Variants in DYSF observed in about 807,000 individuals in gnomAD.
The protein encoded by DYSF is dystrophy-associated fer-1-like 1.
In DYSF, 212 loss-of-function variants were observed where a neutral mutation model predicts 274.9. The ratio of observed to expected loss-of-function variants is 0.77; its 90% confidence interval spans 0.69 to 0.86. DYSF has a LOEUF of 0.86. DYSF is among the 40% of genes least tolerant of loss of function. The pLI, the probability that DYSF is intolerant of heterozygous loss-of-function variation, is 0.00. For synonymous variants in DYSF, 1,091 were observed against 1,078.7 expected, an observed-to-expected ratio of 1.01 and a Z score of -0.22; for missense variants, 2,666 against 2,783.2, an observed-to-expected ratio of 0.96 and a Z score of 0.95.
rs752264721 is a variant in DYSF at position 71,679,251 on chromosome 2, C to T, written c.6063+16C>T. On this transcript the variant is annotated intron_variant, in intron 53 of 55. Coordinates refer to ENST00000410020, the MANE Select transcript of DYSF (RefSeq NM_001130987.2). ...AATACTGGCGGTAAGTCTACTTCCT[C>T]CAGCCCCAGTGGAGGGCATGGGGGA... 18 of 1,613,120 alleles carry T rather than the reference C, an allele frequency of 1.1e-5. No homozygotes were observed. In the South Asian group the frequency reaches 1.2e-4, roughly 11 times the overall value.
Position 71,611,513 on chromosome 2 carries a change from A to G in DYSF, c.4108A>G (p.Ile1370Val). Reference sequence around the variant, plus strand: ...CATGAAGAGTTACCAGCTGGCCAACATCTCCTCCCCCAGCCTCGTGGTAGA... The same window carrying G: ...CATGAAGAGTTACCAGCTGGCCAACGTCTCCTCCCCCAGCCTCGTGGTAGA... ...RNMKSYQLAN[I>V]SSPSLVVECG... Residue 1370 changes from isoleucine (I) to valine (V), a missense_variant, in exon 38 of 56, where the codon ATC becomes GTC. Physicochemically the swap from Ile to Val is conservative, Grantham distance 29. Coordinates refer to ENST00000410020, the MANE Select transcript of DYSF (RefSeq NM_001130987.2). The G allele has an allele frequency of 6.2e-7, 1 of 1,614,054 alleles. No individual in the cohort carries two copies. The highest frequency in any genetic ancestry group is 8.5e-7 in the Non-Finnish European group (1 of 1,180,002).
intron 3 of DYSF, among the ~76,000 whole-genome samples, chr2:71,495,138 T>G (rs77557348): frequency 0.052 from 7,903 of 152,248 alleles, 255 homozygotes; most frequent in African/African-American, 0.11. Flanking sequence ...TCTGAAGTAT[T>G]CATTATTTCC....
At chr2:71,668,630 A>G (rs2095060925) in intron 48 of DYSF, 124 bp from the exon 49 acceptor site, 1 of 895,330 alleles carries the variant, frequency 1.1e-6, no homozygotes. Flanking sequence ...TAGGGCAGTG[A>G]GGCTTTCTCT....
intron 10 of DYSF, among the ~76,000 whole-genome samples, chr2:71,517,833 A>G (rs1245499961): frequency 6.6e-6 from 1 of 152,080 alleles, no homozygotes; most frequent in Non-Finnish European, 1.5e-5. Flanking sequence ...ATATATTTAC[A>G]AGTTTTCTAA....
chr2:71,581,171 G>A (rs950451119), intron 30 of DYSF, among the ~76,000 whole-genome samples: 1 of 152,188 alleles, frequency 6.6e-6, no homozygotes, highest in Non-Finnish European at 1.5e-5. Context: ...TGCAACATCC[G>A]CATGTGGAGA....
chr2:71,681,053 G>A lies in DYSF; in HGVS notation c.6116G>A (p.Arg2039Gln), dbSNP rs115407852. 332 of 1,614,206 alleles carry A rather than the reference G, an allele frequency of 2.1e-4. 1 individual carries two copies. The Middle Eastern group carries it at 5.3e-3, about 26-fold the overall frequency. The change falls in exon 54 of 56, where the codon CGG becomes CAG. Residue 2039 changes from arginine to glutamine, a missense_variant. Transcript: ENST00000410020. ...EIVAESEHEE[R>Q]PAGQGRDEPN... ...GTAGCAGAGAGTGAGCATGAGGAGC[G>A]GCCTGCTGGCCAGGGCCGGGATGAG...
At chr2:71,592,286 T>G (rs940571627) in intron 32 of DYSF, among the ~76,000 whole-genome samples, 1 of 152,158 alleles carries the variant, frequency 6.6e-6, no homozygotes. Flanking sequence ...GGTAGGGCAG[T>G]GGCACTGGTC....
intron 31 of DYSF, 86 bp downstream of exon 31, chr2:71,589,772 G>A (rs2093197753): frequency 6.1e-6 from 8 of 1,310,462 alleles, no homozygotes; most frequent in Non-Finnish European, 8.8e-6. Flanking sequence ...GATCAGATGT[G>A]TATGTGGGGC....
chr2:71,680,960 G>A (rs756400719), intron 53 of DYSF, 41 bp from the exon 54 acceptor site: 4 of 1,584,584 alleles, frequency 2.5e-6, no homozygotes, highest in Middle Eastern at 1.7e-4. Flanking sequence ...CCACTGAGCA[G>A]AGCCTTCGTG....
intron 34 of DYSF, 71 bp from the exon 35 acceptor site, chr2:71,601,428 T>C: frequency 6.3e-7 from 1 of 1,585,112 alleles, no homozygotes; most frequent in Non-Finnish European, 8.7e-7. Context: ...ACATAGTCCA[T>C]GAGTGTCATG....
intron 14 of DYSF, among the ~76,000 whole-genome samples, chr2:71,529,048 A>C (rs2088331278): frequency 6.6e-6 from 1 of 150,854 alleles, no homozygotes; most frequent in African/African-American, 2.4e-5. Flanking sequence ...CCTCCCTTCA[A>C]CCCCAGGCCT....
chr2:71,493,602 A>G (rs1301447327), intron 3 of DYSF, among the ~76,000 whole-genome samples: 1 of 152,202 alleles, frequency 6.6e-6, no homozygotes, highest in Non-Finnish European at 1.5e-5. Context: ...CTGTAATACC[A>G]GCACTTTGGG....
intron 40 of DYSF, among the ~76,000 whole-genome samples, chr2:71,620,254 T>A (rs868852233): frequency 8.5e-5 from 13 of 152,186 alleles, no homozygotes; most frequent in African/African-American, 3.1e-4. Context: ...GTGCCTTGCC[T>A]TGTGCTGGGC....
chr2:71,648,746 T>G (rs544896440), intron 42 of DYSF, among the ~76,000 whole-genome samples: 1 of 152,244 alleles, frequency 6.6e-6, no homozygotes, highest in African/African-American at 2.4e-5. Context: ...TCCCCACCTC[T>G]TGAAAAGAAA....
chr2:71,669,714 C>A lies in DYSF; in HGVS notation c.5752C>A (p.Pro1918Thr), dbSNP rs951145177. The change falls in exon 51 of 56, where the codon CCA becomes ACA. Residue 1918 changes from proline (P) to threonine (T), a missense_variant. By Grantham distance (38) the Pro-to-Thr change is conservative. Around this residue, in one of 3 missense-constraint regions of DYSF, gnomAD observed 1,460 missense variants for 1,502.1 expected, o/e 0.97. Transcript: ENST00000410020. ...GTTCATTTTCCCCTTCGACTACCTG[C>A]CAGCTGAGCAAGTCTGTACCATTGC... ...WRFIFPFDYLPAEQVCTIAKK... is the reference protein window; with the variant it reads ...WRFIFPFDYLTAEQVCTIAKK... 1.2e-6 allele frequency: 2 copies of A among 1,614,110 alleles called. No homozygotes were observed. Among genetic ancestry groups the A allele is most frequent in the East Asian group, 2.2e-5 (1 of 44,898 alleles).
At position 71,600,683 on chromosome 2, in the gene DYSF, C is replaced by T. The variant is rs752418484; in HGVS notation, c.3757-19C>T. On this transcript the variant is annotated intron_variant, in intron 33 of 55. Transcript: ENST00000410020. ...CTGGGTAAGGGATGCTGATTCTTGTCTCTCTACGCTTGGTCTAGGGTGCAG... is the reference window on the plus strand; with the variant it reads ...CTGGGTAAGGGATGCTGATTCTTGTTTCTCTACGCTTGGTCTAGGGTGCAG... The T allele has an allele frequency of 8.7e-6, 14 of 1,613,938 alleles. No individual in the cohort carries two copies. Among genetic ancestry groups the T allele is most frequent in the Non-Finnish European group, 1.1e-5 (13 of 1,180,058 alleles).
chr2:71,555,241 A>C (rs1371781183), intron 21 of DYSF, among the ~76,000 whole-genome samples: 4 of 152,144 alleles, frequency 2.6e-5, no homozygotes, highest in Admixed American at 2.6e-4. Flanking sequence ...GGCTCACAGC[A>C]AGACTCCAGA....
intron 23 of DYSF, among the ~76,000 whole-genome samples, chr2:71,563,574 G>C (rs540708512): frequency 6.6e-6 from 1 of 152,156 alleles, no homozygotes; most frequent in African/African-American, 2.4e-5. Flanking sequence ...CTGCTGCTAC[G>C]GGAGGAGGGT....
chr2:71,587,232 A>G (rs940388661), intron 30 of DYSF, among the ~76,000 whole-genome samples: 1 of 152,038 alleles, frequency 6.6e-6, no homozygotes, highest in Non-Finnish European at 1.5e-5. Flanking sequence ...GCCAGGCCAA[A>G]CGCCTCTCCT....
Sources: allele counts gnomAD v4.1 joint callset (sites outside exome capture counted in the v4.1 genomes callset), GRCh38; gene constraint gnomAD v4.1.1; regional missense constraint gnomAD v4.1.1; transcripts MANE v1.5; gene names NCBI Gene and HGNC (gene_info 2026-07-23, HGNC 2026-07-21).